The following TMEM132C variants were observed in gnomAD, a reference collection of about 807,000 sequenced individuals.
TMEM132C encodes the protein protein phosphatase 1, regulatory subunit 152.
Under a neutral mutation model 61.4 loss-of-function variants are expected in TMEM132C, and 29 were observed. The observed-to-expected ratio is 0.47, with a 90% CI of 0.35 to 0.64. The LOEUF (loss-of-function observed/expected upper bound fraction) is 0.64, where lower values mean the gene tolerates loss of function less well. Among genes scored for constraint, TMEM132C ranks in the 30% least tolerant of loss-of-function variants. TMEM132C has a pLI of 0.00. For missense variants in TMEM132C, 1,408 were observed against 1,476.9 expected (o/e 0.95, Z 0.76); for synonymous variants, 656 against 633.1 (o/e 1.04, Z -0.54).
intron 2 of TMEM132C, among the ~76,000 whole-genome samples, chr12:128,480,907 A>G (rs1871297655): frequency 6.6e-6 from 1 of 152,100 alleles, no homozygotes; most frequent in Non-Finnish European, 1.5e-5. Flanking sequence ...TTGTGAATAC[A>G]TTTTCCCTGT....
intron 2 of TMEM132C, among the ~76,000 whole-genome samples, chr12:128,431,343 G>C (rs1869380617): frequency 2.0e-5 from 3 of 152,156 alleles, no homozygotes; most frequent in African/African-American, 7.2e-5. Flanking sequence ...AGCTTACAGA[G>C]GTTGGTTCTT....
At chr12:128,701,676 C>G (rs1398399826) in intron 8 of TMEM132C, among the ~76,000 whole-genome samples, 1 of 152,160 alleles carries the variant, frequency 6.6e-6, no homozygotes, top group Non-Finnish European at 1.5e-5. Flanking sequence ...TATGTCTGTT[C>G]ACCTGCCCTT....
In TMEM132C at chr12:128,415,431, C is replaced by A. The variant is rs1356112699; in HGVS notation, c.785C>A (p.Thr262Asn). 1.9e-6 allele frequency: 3 copies of A among 1,551,408 alleles called. No homozygotes were observed. The highest frequency in any genetic ancestry group is 2.0e-5 in the Admixed American group (1 of 50,970). ...CCAGGAAAGGATGGGCTGGAGGAAA[C>A]CACGTCCCACCTGCAGAGGATCGGC... ...IRPGKDGLEE[T>N]TSHLQRIGTV... The change falls in exon 2 of 9, where the codon ACC (threonine) becomes AAC (asparagine). Residue 262 changes from threonine to asparagine, a missense_variant. Physicochemically the swap from Thr to Asn is moderately conservative, Grantham distance 65. Transcript: ENST00000435159. The surrounding 1 kb of genome is among the most constrained non-coding windows in gnomAD (Gnocchi z 5.8).
intron 2 of TMEM132C, among the ~76,000 whole-genome samples, chr12:128,449,859 TGA>T (rs1387592624): frequency 6.6e-6 from 1 of 152,168 alleles, no homozygotes; most frequent in Non-Finnish European, 1.5e-5. Context: ...GAAGTGCATT[TGA>T]CACACAGAAG....
chr12:128,552,358 C>T (rs2136156392), intron 3 of TMEM132C, among the ~76,000 whole-genome samples: 1 of 152,278 alleles, frequency 6.6e-6, no homozygotes, highest in Non-Finnish European at 1.5e-5. Context: ...ATTTCACTGT[C>T]TCTGGCACTT....
intron 5 of TMEM132C, among the ~76,000 whole-genome samples, chr12:128,674,685 T>C (rs554690461): frequency 3.5e-4 from 54 of 152,242 alleles, no homozygotes; most frequent in African/African-American, 1.2e-3. Flanking sequence ...TATTTTTTCA[T>C]TTTTCCATAA....
intron 2 of TMEM132C, among the ~76,000 whole-genome samples, chr12:128,473,208 C>T (rs1453723980): frequency 7.2e-5 from 11 of 152,336 alleles, no homozygotes; most frequent in African/African-American, 2.6e-4. Flanking sequence ...CTATCTTCAT[C>T]TTCACTCCAG....
intron 2 of TMEM132C, among the ~76,000 whole-genome samples, chr12:128,458,159 C>A (rs1263897354): frequency 6.7e-6 from 1 of 148,908 alleles, no homozygotes; most frequent in Non-Finnish European, 1.5e-5. Context: ...TTTTCTGTAT[C>A]ATTATATATA....
chr12:128,432,921 A>G (rs1410566182), intron 2 of TMEM132C, among the ~76,000 whole-genome samples: 1 of 152,092 alleles, frequency 6.6e-6, no homozygotes, highest in Non-Finnish European at 1.5e-5. Flanking sequence ...AGACACTGCT[A>G]CAGCCACCCC....
chr12:128,415,487 G>T lies in TMEM132C; in HGVS notation c.841G>T (p.Ala281Ser). The change falls in exon 2 of 9, where the codon GCC becomes TCC. Residue 281 changes from alanine to serine, a missense_variant. By Grantham distance (99) the Ala-to-Ser change is moderately conservative (BLOSUM62 1). Coordinates refer to ENST00000435159, the MANE Select transcript of TMEM132C (RefSeq NM_001136103.3). The surrounding 1 kb of genome is among the most constrained non-coding windows in gnomAD (Gnocchi z 5.8). Reference protein sequence around the residue: ...TVGLYRAQDSAQLSELRLDGN... With the variant: ...TVGLYRAQDSSQLSELRLDGN... Reference sequence around the variant, plus strand: ...CGGCCTTTACCGGGCCCAGGACAGCGCCCAGCTCAGCGAGCTGCGTTTGGA... The same window carrying T: ...CGGCCTTTACCGGGCCCAGGACAGCTCCCAGCTCAGCGAGCTGCGTTTGGA... 1 of 1,551,558 alleles carries T rather than the reference G, an allele frequency of 6.4e-7. No homozygotes were observed. The highest frequency in any genetic ancestry group is 8.7e-7 in the Non-Finnish European group (1 of 1,146,992).
chr12:128,332,421 T>A (rs1872687720), intron 1 of TMEM132C, among the ~76,000 whole-genome samples: 1 of 152,236 alleles, frequency 6.6e-6, no homozygotes, highest in Non-Finnish European at 1.5e-5. Flanking sequence ...TTCAAAATTG[T>A]TAACAGCTCT....
At chr12:128,583,467 G>T (rs1875424338) in intron 3 of TMEM132C, among the ~76,000 whole-genome samples, 1 of 151,928 alleles carries the variant, frequency 6.6e-6, no homozygotes, top group Non-Finnish European at 1.5e-5. Flanking sequence ...AGGTGGAAAA[G>T]AGTTCTCCGC....
intron 1 of TMEM132C, among the ~76,000 whole-genome samples, chr12:128,302,969 A>G (rs1356231611): frequency 2.6e-5 from 4 of 152,220 alleles, no homozygotes; most frequent in African/African-American, 9.6e-5. Context: ...TTTGCACCCT[A>G]GGGCAATGTG....
chr12:128,533,157 A>G (rs1466579679), intron 2 of TMEM132C, among the ~76,000 whole-genome samples: 1 of 152,148 alleles, frequency 6.6e-6, no homozygotes, highest in Non-Finnish European at 1.5e-5. Flanking sequence ...TGTTATGTAC[A>G]TGTGACCAGA....
intron 2 of TMEM132C, among the ~76,000 whole-genome samples, chr12:128,504,830 T>TG (rs1197833872): frequency 0.026 from 188 of 7,096 alleles, 1 homozygote; most frequent in Middle Eastern, 0.12. Context: ...GGGGTGGGGG[T>TG]GGGGGTGGGA....
chr12:128,492,536 C>T (rs1871777944), intron 2 of TMEM132C, among the ~76,000 whole-genome samples: 1 of 152,122 alleles, frequency 6.6e-6, no homozygotes, highest in African/African-American at 2.4e-5. Flanking sequence ...TTTTAGTAAT[C>T]ACCATTCTAA....
At chr12:128,642,182 A>G (rs1306743969) in intron 4 of TMEM132C, among the ~76,000 whole-genome samples, 2 of 151,756 alleles carry the variant, frequency 1.3e-5, no homozygotes, top group Non-Finnish European at 2.9e-5. Context: ...ACCATGCTGG[A>G]GTGCAGTGGT....
intron 1 of TMEM132C, among the ~76,000 whole-genome samples, chr12:128,309,580 C>T (rs1250029525): frequency 1.3e-5 from 2 of 152,188 alleles, no homozygotes; most frequent in African/African-American, 4.8e-5. Context: ...ACCCCACCGT[C>T]AGTCTCTGTG....
intron 3 of TMEM132C, among the ~76,000 whole-genome samples, chr12:128,609,009 T>G (rs1876522584): frequency 6.6e-6 from 1 of 152,118 alleles, no homozygotes; most frequent in Non-Finnish European, 1.5e-5. Flanking sequence ...TTGTTTGGGT[T>G]TTTAGTTTTT....
Sources: gnomAD v4.1 joint callset for allele counts (sites outside exome capture counted in the v4.1 genomes callset) on GRCh38, gnomAD v4.1.1 for gene constraint, Gnocchi (gnomAD v3.1) non-coding constraint, MANE v1.5 for transcripts, NCBI Gene and HGNC (gene_info 2026-07-23, HGNC 2026-07-21) for gene names.